The following CNTN4 variants were observed in gnomAD, a reference collection of about 807,000 sequenced individuals.
CNTN4 encodes the protein contactin 4.
A neutral mutation model predicts 122.5 loss-of-function variants in CNTN4; 77 were observed. The ratio of observed to expected loss-of-function variants is 0.63; its 90% CI spans 0.52 to 0.76. The LOEUF (loss-of-function observed/expected upper bound fraction) is 0.76, where lower values mean the gene tolerates loss of function less well. Among genes scored for constraint, CNTN4 ranks in the 30% least tolerant of loss-of-function variants. CNTN4 has a pLI of 0.00. For missense variants in CNTN4, 1,256 were observed against 1,259.1 expected (o/e 1.00, Z 0.04); for synonymous variants, 512 against 447.0 (o/e 1.15, Z -1.83).
At chr3:3,009,028 AG>A in intron 14 of CNTN4, 1 of 985,450 alleles carries the variant, frequency 1.0e-6, no homozygotes, top group East Asian at 1.1e-4. Context: ...CTAGAGGACA[AG>A]CCTGGTGTTA....
At chr3:2,744,985 G>A (rs1271552755) in intron 5 of CNTN4, among the ~76,000 whole-genome samples, 1 of 152,194 alleles carries the variant, frequency 6.6e-6, no homozygotes, top group Admixed American at 6.5e-5. Context: ...GGTTAAAGCA[G>A]GTTTGGTCCC....
At position 2,181,837 on chromosome 3, in the gene CNTN4, G is replaced by A. The variant is rs572614341; in HGVS notation, c.-145+81198G>A. On this transcript the variant is annotated intron_variant, in intron 2 of 24. Transcript: ENST00000418658. ...CGGTCAGAGAAAATGGCAGTTGCAC[G>A]AGTTTTGGTGGTATGATAGTCACAT... 8.4e-4 allele frequency among the ~76,000 whole-genome samples: 128 copies of A among 152,190 alleles called. 3 individuals are homozygous for A. The South Asian group carries it at 0.021, about 25-fold the overall frequency.
chr3:2,253,977 C>T lies in CNTN4; in HGVS notation c.-144-85201C>T, dbSNP rs141765228. Among the ~76,000 whole-genome samples, 814 of 152,102 alleles carry T rather than the reference C, an allele frequency of 5.4e-3. 5 individuals carry two copies. The highest frequency in any genetic ancestry group is 0.015 in the African/African-American group (606 of 41,494). On this transcript the variant is annotated intron_variant, in intron 2 of 24. Coordinates refer to ENST00000418658, the MANE Select transcript of CNTN4 (RefSeq NM_175607.3). ...CATAGGTATACACGTGCCATGTTGG[C>T]GTGCTGCAGCCATCAACCCATAATC...
At chr3:2,390,687 C>T (rs941032235) in intron 3 of CNTN4, among the ~76,000 whole-genome samples, 2 of 151,882 alleles carry the variant, frequency 1.3e-5, no homozygotes, top group African/African-American at 4.8e-5. Context: ...GATTTTTTTC[C>T]CCACCTAACT....
Position 2,662,155 on chromosome 3 carries a change from A to G in CNTN4, c.56-74060A>G, listed in dbSNP as rs145547013. On this transcript the variant is annotated intron_variant, in intron 4 of 24. Transcript: ENST00000418658. The stretch of plus-strand genomic sequence containing the variant: ...TAAGCTTGTAAATCACAGTTATAAT[A>G]CAGTTTAGTAATTAGTGTCATGCAC... Among the ~76,000 whole-genome samples the G allele has an allele frequency of 8.1e-3, 1,232 of 152,352 alleles. 20 individuals carry two copies. The highest frequency in any genetic ancestry group is 0.028 in the African/African-American group (1,172 of 41,584).
At chr3:2,426,938 A>G (rs1218574653) in intron 3 of CNTN4, among the ~76,000 whole-genome samples, 1 of 151,680 alleles carries the variant, frequency 6.6e-6, no homozygotes, top group Non-Finnish European at 1.5e-5. Flanking sequence ...TTTTTTTATT[A>G]CGTCTATTTG....
In CNTN4 at chr3:2,472,842, C is replaced by CT. The variant is rs1310681356; in HGVS notation, c.-88-98573dup. On this transcript the variant is annotated intron_variant, in intron 3 of 24. Transcript: ENST00000418658. Reference sequence around the variant, plus strand: ...AGGTGAACTAAAAGTATAAGATTGTCTATTTTTATTCTTTCAGCTTCTCCT... The same window carrying CT: ...AGGTGAACTAAAAGTATAAGATTGTCTTATTTTTATTCTTTCAGCTTCTCCT... Among the ~76,000 whole-genome samples, 7 of 152,300 alleles carry CT rather than the reference C, an allele frequency of 4.6e-5. No homozygotes were observed. In the East Asian group the frequency reaches 1.4e-3, roughly 29 times the overall value.
chr3:2,156,637 C>T (rs2035733098), intron 2 of CNTN4, among the ~76,000 whole-genome samples: 1 of 152,088 alleles, frequency 6.6e-6, no homozygotes, highest in Non-Finnish European at 1.5e-5. Flanking sequence ...TGTAGACCCT[C>T]GGTAAATGTT....
intron 2 of CNTN4, among the ~76,000 whole-genome samples, chr3:2,124,470 ACAC>A (rs1248565407): frequency 9.3e-4 from 135 of 144,556 alleles, no homozygotes; most frequent in South Asian, 7.2e-3. Flanking sequence ...ACACACACAC[ACAC>A]CCCCTTAAGC....
At chr3:2,618,810 G>C (rs2081880264) in intron 4 of CNTN4, among the ~76,000 whole-genome samples, 1 of 152,106 alleles carries the variant, frequency 6.6e-6, no homozygotes, top group Admixed American at 6.5e-5. Flanking sequence ...ATTTGTGTCT[G>C]CTCTGACATA....
At chr3:2,276,870 C>A (rs896199243) in intron 2 of CNTN4, among the ~76,000 whole-genome samples, 6 of 152,030 alleles carry the variant, frequency 3.9e-5, no homozygotes, top group African/African-American at 1.4e-4. Context: ...GAGCCGAGAT[C>A]GCTCCACTGC....
rs563231758 is a variant in CNTN4 at position 2,319,120 on chromosome 3, C to T, written c.-144-20058C>T. Among the ~76,000 whole-genome samples the T allele has an allele frequency of 5.9e-5, 9 of 151,992 alleles. No homozygotes were observed. In the South Asian group the frequency reaches 1.7e-3, roughly 28 times the overall value. The stretch of plus-strand genomic sequence containing the variant: ...TATACCTAGTCAAAAGAAGGAAGGA[C>T]GATTCAAAAGGAAGAGGAAAGAAAA... On this transcript the variant is annotated intron_variant, in intron 2 of 24. Transcript: ENST00000418658.
intron 3 of CNTN4, among the ~76,000 whole-genome samples, chr3:2,432,658 G>A (rs1280071896): frequency 6.6e-6 from 1 of 151,084 alleles, no homozygotes; most frequent in African/African-American, 2.4e-5. Context: ...ATATATATGT[G>A]TGTGTATATA....
intron 3 of CNTN4, among the ~76,000 whole-genome samples, chr3:2,563,127 C>T (rs1249417418): frequency 6.6e-6 from 1 of 152,170 alleles, no homozygotes; most frequent in Non-Finnish European, 1.5e-5. Context: ...CTGCTTTCCA[C>T]AGTGGCTGAA....
chr3:2,536,619 T>G (rs2077819198), intron 3 of CNTN4, among the ~76,000 whole-genome samples: 2 of 151,748 alleles, frequency 1.3e-5, no homozygotes, highest in South Asian at 4.2e-4. Context: ...AGACTGGATC[T>G]TACTTTATTT....
intron 3 of CNTN4, among the ~76,000 whole-genome samples, chr3:2,477,584 A>G (rs1460230911): frequency 6.6e-6 from 1 of 152,146 alleles, no homozygotes; most frequent in Non-Finnish European, 1.5e-5. Context: ...GAGGGCCCAT[A>G]TTTTCAACTC....
At chr3:2,580,936 G>C (rs1229371470) in intron 4 of CNTN4, among the ~76,000 whole-genome samples, 1 of 152,154 alleles carries the variant, frequency 6.6e-6, no homozygotes, top group Admixed American at 6.6e-5. Flanking sequence ...GGTCTGCCCA[G>C]GTCCAAAGCC....
intron 23 of CNTN4, among the ~76,000 whole-genome samples, chr3:3,046,441 T>C (rs1700664271): frequency 6.6e-6 from 1 of 152,140 alleles, no homozygotes; most frequent in African/African-American, 2.4e-5. Context: ...TGGCAGAAAC[T>C]CTACAAGCCA....
intron 2 of CNTN4, among the ~76,000 whole-genome samples, chr3:2,162,017 T>C (rs1020874769): frequency 6.6e-6 from 1 of 152,250 alleles, no homozygotes; most frequent in Non-Finnish European, 1.5e-5. Context: ...GGTATTGATC[T>C]TATGTCTGTT....
Sources: allele counts gnomAD v4.1 joint callset (sites outside exome capture counted in the v4.1 genomes callset), GRCh38; gene constraint gnomAD v4.1.1; transcripts MANE v1.5; gene names NCBI Gene and HGNC (gene_info 2026-07-23, HGNC 2026-07-21).